Variants in AGBL3 observed in about 807,000 individuals in gnomAD.
AGBL3 encodes the protein AGBL carboxypeptidase 3.
A neutral mutation model predicts 94.5 loss-of-function variants in AGBL3; 68 were observed. The observed-to-expected ratio is 0.72, with a 90% CI of 0.59 to 0.88. AGBL3 has a LOEUF of 0.88. Ranked by LOEUF, AGBL3 falls within the 40% of genes least tolerant of loss-of-function variation. AGBL3 has a pLI of 0.00. For synonymous variants in AGBL3, 354 were observed against 370.7 expected (o/e 0.95, Z 0.52); for missense variants, 934 against 1,103.8 (o/e 0.85, Z 2.18).
At chr7:135,128,629 T>C (rs1430992975) in intron 16 of AGBL3, 4 of 821,132 alleles carry the variant, frequency 4.9e-6, no homozygotes, top group Non-Finnish European at 8.6e-6. Context: ...GGCAGCGTGA[T>C]CCCGTTTGCC....
intron 9 of AGBL3, 137 bp downstream of exon 9, chr7:135,044,288 A>G (rs1203748488): frequency 1.1e-6 from 1 of 879,778 alleles, no homozygotes; most frequent in East Asian, 3.5e-5. Context: ...TTCTATAAAC[A>G]GGATGAATAA....
At chr7:135,108,317 T>C (rs1825073609) in intron 15 of AGBL3, among the ~76,000 whole-genome samples, 2 of 152,226 alleles carry the variant, frequency 1.3e-5, no homozygotes, top group Admixed American at 1.3e-4. Context: ...GTCACTGGTC[T>C]ACGTACTTAA....
At chr7:135,046,017 G>A in intron 11 of AGBL3, 106 bp downstream of exon 11, 1 of 788,692 alleles carries the variant, frequency 1.3e-6, no homozygotes, top group African/African-American at 1.8e-5. Context: ...AATCCCAACT[G>A]TAAGTGGTGG....
At chr7:135,128,981 C>A (rs1316140998) in intron 16 of AGBL3, 1 of 1,590,634 alleles carries the variant, frequency 6.3e-7, no homozygotes, top group Non-Finnish European at 8.6e-7. Flanking sequence ...TCTTGGAGTG[C>A]AGGCATGTGT....
In AGBL3 at chr7:135,124,710, A is replaced by C. The variant is rs551777087; in HGVS notation, c.2342+9099A>C. Among the ~76,000 whole-genome samples the C allele has an allele frequency of 1.2e-4, 18 of 152,378 alleles. 1 individual carries two copies. The South Asian group carries it at 2.5e-3, about 21-fold the overall frequency. On this transcript the variant is annotated intron_variant, in intron 16 of 16. Transcript: ENST00000436302. Reference sequence around the variant, plus strand: ...CATAGCAAACAGTCTCTCAGACCACAGTGCAATCAAATTACAACTCAGGAT... The same window carrying C: ...CATAGCAAACAGTCTCTCAGACCACCGTGCAATCAAATTACAACTCAGGAT...
intron 12 of AGBL3, among the ~76,000 whole-genome samples, chr7:135,063,816 T>A (rs913763357): frequency 6.6e-6 from 1 of 152,236 alleles, no homozygotes; most frequent in Non-Finnish European, 1.5e-5. Context: ...CAGATTTTAA[T>A]GCATAACACC....
At chr7:135,128,796 A>C in intron 16 of AGBL3, 2 of 1,210,290 alleles carry the variant, frequency 1.7e-6, no homozygotes, top group Non-Finnish European at 2.4e-6. Flanking sequence ...GATCTGATAC[A>C]GACCAAGAGG....
chr7:135,038,420 T>C (rs929564119), intron 8 of AGBL3, among the ~76,000 whole-genome samples: 5 of 152,256 alleles, frequency 3.3e-5, no homozygotes, highest in Non-Finnish European at 5.9e-5. Flanking sequence ...ATACTGTCAA[T>C]ACTCTTAGGT....
chr7:135,039,313 G>A (rs1376118979), intron 8 of AGBL3, among the ~76,000 whole-genome samples: 1 of 152,052 alleles, frequency 6.6e-6, no homozygotes, highest in Non-Finnish European at 1.5e-5. Context: ...AGGCCCAAGA[G>A]GAACTCTTAA....
In AGBL3 at chr7:135,081,725, G is replaced by A. The variant is rs1224775722; in HGVS notation, c.2045G>A (p.Arg682Lys). Residue 682 changes from arginine to lysine, a missense_variant, in exon 15 of 17, where the codon AGG (arginine) becomes AAG (lysine). Coordinates refer to ENST00000436302, the MANE Select transcript of AGBL3 (RefSeq NM_178563.4). ...TQSNSDVKDTRPNEPDDYMVD... is the reference protein window; with the variant it reads ...TQSNSDVKDTKPNEPDDYMVD... ...TCTTTATCATCTTCTCTAGATACAA[G>A]GCCAAATGAACCAGATGATTATATG... The A allele has an allele frequency of 3.9e-6, 6 of 1,536,424 alleles. No individual in the cohort carries two copies. Among genetic ancestry groups the A allele is most frequent in the Non-Finnish European group, 5.3e-6 (6 of 1,135,966 alleles).
intron 16 of AGBL3, among the ~76,000 whole-genome samples, chr7:135,127,381 A>G (rs1432189318): frequency 6.6e-6 from 1 of 151,774 alleles, no homozygotes; most frequent in Non-Finnish European, 1.5e-5. Flanking sequence ...ATGAAACCCC[A>G]TCTCTACTAA....
intron 4 of AGBL3, among the ~76,000 whole-genome samples, chr7:135,008,027 A>G (rs1812609138): frequency 6.6e-6 from 1 of 152,094 alleles, no homozygotes; most frequent in Admixed American, 6.5e-5. Flanking sequence ...TTATGGATCA[A>G]AAGACTTACT....
intron 15 of AGBL3, among the ~76,000 whole-genome samples, chr7:135,104,844 T>C (rs1484960552): frequency 3.3e-5 from 5 of 151,996 alleles, no homozygotes; most frequent in Non-Finnish European, 5.9e-5. Flanking sequence ...CTTTGTCAGA[T>C]GCAAATATTT....
intron 4 of AGBL3, chr7:135,010,798 A>G (rs1813048545): frequency 6.6e-6 from 1 of 152,242 alleles, no homozygotes; most frequent in Non-Finnish European, 1.5e-5. Flanking sequence ...AAGAAGCAAT[A>G]AAGCATTGAG....
intron 11 of AGBL3, chr7:135,050,986 T>G (rs1427633666): frequency 2.4e-6 from 1 of 412,812 alleles, no homozygotes; most frequent in Admixed American, 3.2e-5. Flanking sequence ...TCTTTTCTTC[T>G]CTTCAAATTA....
In AGBL3 at chr7:135,111,959, AATG is replaced by A. The variant is rs370553622; in HGVS notation, c.2111-3420_2111-3418del. 1.1e-4 allele frequency among the ~76,000 whole-genome samples: 17 copies of A among 151,932 alleles called. No homozygotes were observed. In the East Asian group the frequency reaches 2.7e-3, roughly 25 times the overall value. Reference sequence around the variant, plus strand: ...TTTTTCCGCACAGGCACTTCTATTCAATGTGTCCACTTCCGATCTCTTTCTCCT... The same window carrying A: ...TTTTTCCGCACAGGCACTTCTATTCATGTCCACTTCCGATCTCTTTCTCCT... On this transcript the variant is annotated intron_variant, in intron 15 of 16. Coordinates refer to ENST00000436302, the MANE Select transcript of AGBL3 (RefSeq NM_178563.4).
At chr7:135,073,466 G>A (rs924751208) in intron 12 of AGBL3, among the ~76,000 whole-genome samples, 9 of 142,150 alleles carry the variant, frequency 6.3e-5, no homozygotes, top group South Asian at 4.9e-4. Context: ...GCAAGACTCC[G>A]TCTCAAAATA....
intron 4 of AGBL3, among the ~76,000 whole-genome samples, chr7:135,000,314 G>A (rs1438372634): frequency 6.6e-6 from 1 of 152,196 alleles, no homozygotes; most frequent in East Asian, 1.9e-4. Context: ...TTCTGGAATA[G>A]ATTAGCATTT....
intron 5 of AGBL3, among the ~76,000 whole-genome samples, chr7:135,030,529 G>A (rs763635637): frequency 6.6e-6 from 1 of 152,184 alleles, no homozygotes; most frequent in East Asian, 1.9e-4. Context: ...TCAGCAATTC[G>A]ACTATGGTGT....
Sources: allele counts gnomAD v4.1 joint callset (sites outside exome capture counted in the v4.1 genomes callset), GRCh38; gene constraint gnomAD v4.1.1; transcripts MANE v1.5; gene names NCBI Gene and HGNC (gene_info 2026-07-23, HGNC 2026-07-21).